Variants in CDH17 observed in about 807,000 individuals in gnomAD.
The protein encoded by CDH17 is cadherin-17.
Under a neutral mutation model 86.3 loss-of-function variants are expected in CDH17, and 67 were observed. The observed-to-expected ratio is 0.78, with a 90% CI of 0.64 to 0.95. The LOEUF (loss-of-function observed/expected upper bound fraction) is 0.95, where lower values mean the gene tolerates loss of function less well. Among genes scored for constraint, CDH17 ranks in the 40% least tolerant of loss-of-function variants. The pLI, the probability that CDH17 is intolerant of heterozygous loss-of-function variation, is 0.00. For synonymous variants in CDH17, 367 were observed against 366.4 expected (o/e 1.00, Z -0.02); for missense variants, 993 against 1,017.6 (o/e 0.98, Z 0.33).
chr8:94,176,865 C>G (rs1253553215), intron 4 of CDH17, among the ~76,000 whole-genome samples, 186 bp from the exon 5 acceptor site: 4 of 152,190 alleles, frequency 2.6e-5, no homozygotes, highest in Non-Finnish European at 5.9e-5. Context: ...CCTGGCTAAT[C>G]ATGATGGTGA....
At chr8:94,158,963 C>A (rs1403739409) in intron 12 of CDH17, among the ~76,000 whole-genome samples, 1 of 152,186 alleles carries the variant, frequency 6.6e-6, no homozygotes, top group African/African-American at 2.4e-5. Flanking sequence ...TCCTTTGCAG[C>A]TTCCAGCACA....
intron 1 of CDH17, among the ~76,000 whole-genome samples, chr8:94,207,582 C>T (rs1814054224): frequency 6.6e-6 from 1 of 152,322 alleles, no homozygotes; most frequent in Admixed American, 6.5e-5. Flanking sequence ...ATTCATCTTC[C>T]TTTCATCTAA....
At chr8:94,175,488 T>C (rs1253657371) in intron 5 of CDH17, among the ~76,000 whole-genome samples, 1 of 152,170 alleles carries the variant, frequency 6.6e-6, no homozygotes, top group African/African-American at 2.4e-5. Flanking sequence ...CAAGTCTTGA[T>C]TAGTATTATT....
intron 7 of CDH17, 99 bp downstream of exon 7, chr8:94,173,698 A>G: frequency 1.1e-6 from 1 of 871,150 alleles, no homozygotes. Context: ...TGAAAAAGGT[A>G]TCTAATAAGT....
At chr8:94,168,761 G>A (rs1249631769) in intron 9 of CDH17, among the ~76,000 whole-genome samples, 3 of 152,088 alleles carry the variant, frequency 2.0e-5, no homozygotes, top group African/African-American at 4.8e-5. Context: ...TAGGCGCCTC[G>A]AAAAGAGCTT....
At chr8:94,147,217 C>T (rs1812761376) in intron 14 of CDH17, among the ~76,000 whole-genome samples, 1 of 152,150 alleles carries the variant, frequency 6.6e-6, no homozygotes, top group Admixed American at 6.6e-5. Context: ...CCTGCTGCTT[C>T]ACTGGGAGGT....
intron 17 of CDH17, among the ~76,000 whole-genome samples, chr8:94,129,106 C>G (rs1812358700): frequency 1.3e-5 from 2 of 152,150 alleles, no homozygotes; most frequent in African/African-American, 2.4e-5. Flanking sequence ...CTGTAAAATC[C>G]TATTACTTCT....
chr8:94,192,308 T>C (rs999340522), intron 2 of CDH17, among the ~76,000 whole-genome samples: 18 of 152,184 alleles, frequency 1.2e-4, no homozygotes, highest in African/African-American at 3.9e-4. Flanking sequence ...AAGGACAAGA[T>C]GGCGGCTTTA....
rs1368965293 is a variant in CDH17 at position 94,151,925 on chromosome 8, G to A, written c.1739C>T (p.Ala580Val). The change falls in exon 13 of 18, where the codon GCT (alanine) becomes GTT (valine). Residue 580 changes from alanine to valine, a missense_variant. Transcript: ENST00000027335. ...VFQAKVSEDV[A>V]IGTKVGNVTA... ...CACATTGCCCACTTTAGTGCCTATA[G>A]CTACATCCTCACTGACTTTCGCTTG... 2 of 1,614,062 alleles carry A rather than the reference G, an allele frequency of 1.2e-6. No homozygotes were observed. The highest frequency in any genetic ancestry group is 1.3e-5 in the African/African-American group (1 of 74,940).
At chr8:94,210,089 G>T (rs1814096755), upstream of CDH17, among the ~76,000 whole-genome samples, 1 of 152,104 alleles carries the variant, frequency 6.6e-6, no homozygotes, top group South Asian at 2.1e-4. Flanking sequence ...GGGACACAGA[G>T]AGGTTTTATT....
intron 3 of CDH17, among the ~76,000 whole-genome samples, chr8:94,178,685 CAG>C (rs1813419758): frequency 6.6e-6 from 1 of 151,898 alleles, no homozygotes; most frequent in African/African-American, 2.4e-5. Context: ...TGTAAAGTAA[CAG>C]AAGTAAATTT....
At chr8:94,138,447 G>A (rs1812575081) in intron 15 of CDH17, among the ~76,000 whole-genome samples, 2 of 152,162 alleles carry the variant, frequency 1.3e-5, no homozygotes, top group Admixed American at 1.3e-4. Context: ...TCAGTTGCAG[G>A]GAGCAGGAGC....
At chr8:94,149,699 CCA>C (rs1586242949) in intron 13 of CDH17, among the ~76,000 whole-genome samples, 1 of 152,116 alleles carries the variant, frequency 6.6e-6, no homozygotes, top group East Asian at 1.9e-4. Context: ...AAAGGTGAAG[CCA>C]CAGAGATTTG....
chr8:94,167,889 C>G (rs972758337), intron 9 of CDH17, among the ~76,000 whole-genome samples: 2 of 151,658 alleles, frequency 1.3e-5, no homozygotes, highest in Admixed American at 1.3e-4. Flanking sequence ...ACAAGTGGAG[C>G]TCAAACTGAT....
intron 3 of CDH17, among the ~76,000 whole-genome samples, chr8:94,178,430 G>A (rs1177158733): frequency 1.3e-5 from 2 of 151,980 alleles, no homozygotes; most frequent in South Asian, 2.1e-4. Flanking sequence ...ATAACTTGAG[G>A]CATAAAATGT....
upstream of CDH17, among the ~76,000 whole-genome samples, chr8:94,211,472 C>T (rs533835873): frequency 2.6e-5 from 4 of 152,192 alleles, no homozygotes; most frequent in Admixed American, 6.5e-5. Context: ...CCACCACACC[C>T]GGCTAATTTT....
intron 15 of CDH17, 101 bp downstream of exon 15, chr8:94,145,827 G>T: frequency 7.7e-7 from 1 of 1,296,956 alleles, no homozygotes; most frequent in Non-Finnish European, 1.1e-6. Flanking sequence ...CCTGAAGCAT[G>T]AAAGAAAGCT....
chr8:94,178,363 TATGG>T (rs1161689066), intron 3 of CDH17, among the ~76,000 whole-genome samples: 28 of 152,222 alleles, frequency 1.8e-4, no homozygotes, highest in African/African-American at 6.7e-4. Context: ...TCAAAGTTAG[TATGG>T]ATATAAAGAA....
chr8:94,194,357 A>G lies in CDH17; in HGVS notation c.51+278T>C, dbSNP rs925210269. On this transcript the variant is annotated intron_variant, in intron 2 of 17. Transcript: ENST00000027335. The stretch of plus-strand genomic sequence containing the variant: ...AATGTCATTTCAGATTCCCTGAGCT[A>G]TAGATAGATTTGTTTTCAACATTAC... Among the ~76,000 whole-genome samples, 20 of 152,354 alleles carry G rather than the reference A, an allele frequency of 1.3e-4. 1 individual carries two copies. The South Asian group carries it at 4.1e-3, about 32-fold the overall frequency.
Sources: gnomAD v4.1 joint callset for allele counts (sites outside exome capture counted in the v4.1 genomes callset) on GRCh38, gnomAD v4.1.1 for gene constraint, MANE v1.5 for transcripts, NCBI Gene and HGNC (gene_info 2026-07-23, HGNC 2026-07-21) for gene names.